Variants in RPSA2 observed in about 807,000 individuals in gnomAD.
The protein encoded by RPSA2 is ribosomal protein SA 2.
At chr19:23,861,969 C>A in the RPSA2 span, among the ~76,000 whole-genome samples, 1 of 152,142 alleles carries the variant, frequency 6.6e-6, no homozygotes, top group Non-Finnish European at 1.5e-5. Context: ...GGGTAAGAAG[C>A]ACAGTCCTTT....
chr19:23,799,977 AATAC>A, the RPSA2 span, among the ~76,000 whole-genome samples: 1 of 151,686 alleles, frequency 6.6e-6, no homozygotes, highest in Non-Finnish European at 1.5e-5. Context: ...GACTGACTGT[AATAC>A]ATTTGACATT....
At chr19:23,839,475 A>C in the RPSA2 span, among the ~76,000 whole-genome samples, 1 of 152,070 alleles carries the variant, frequency 6.6e-6, no homozygotes, top group Non-Finnish European at 1.5e-5. Flanking sequence ...AACAGCCCCA[A>C]ATCTGTTTCC....
chr19:23,832,376 G>T, the RPSA2 span: 1 of 493,982 alleles, frequency 2.0e-6, no homozygotes. Flanking sequence ...GTCCATACTA[G>T]ACAGAAACCC....
the RPSA2 span, among the ~76,000 whole-genome samples, chr19:23,822,489 G>A: frequency 1.3e-5 from 2 of 152,154 alleles, no homozygotes; most frequent in Non-Finnish European, 2.9e-5. Context: ...GGGGTTCTCC[G>A]TGTAGGAGGG....
the RPSA2 span, among the ~76,000 whole-genome samples, chr19:23,846,385 A>G: frequency 6.6e-6 from 1 of 151,650 alleles, no homozygotes; most frequent in African/African-American, 2.4e-5. Flanking sequence ...TTTTCTTTTT[A>G]TCTATTTATA....
At chr19:23,765,381 A>G in the RPSA2 span, among the ~76,000 whole-genome samples, 1 of 152,314 alleles carries the variant, frequency 6.6e-6, no homozygotes, top group East Asian at 1.9e-4. Context: ...AAAGACATGG[A>G]ATCAACCTAA....
At chr19:23,770,947 G>A in the RPSA2 span, among the ~76,000 whole-genome samples, 1 of 152,120 alleles carries the variant, frequency 6.6e-6, no homozygotes, top group East Asian at 1.9e-4. Context: ...AAACTTACAG[G>A]TGCAATAATG....
the RPSA2 span, chr19:23,831,808 A>T: frequency 3.3e-6 from 1 of 305,536 alleles, no homozygotes; most frequent in Non-Finnish European, 6.8e-6. Context: ...AAGTATTTCA[A>T]TGTGGTAAAT....
the RPSA2 span, among the ~76,000 whole-genome samples, chr19:23,851,181 G>A: frequency 6.6e-6 from 1 of 151,074 alleles, no homozygotes; most frequent in East Asian, 2.0e-4. Context: ...AGGAGCTAAT[G>A]TGAGTCACAT....
At chr19:23,848,617 A>G in the RPSA2 span, among the ~76,000 whole-genome samples, 7 of 152,250 alleles carry the variant, frequency 4.6e-5, no homozygotes, top group Non-Finnish European at 7.3e-5. Context: ...TCCTTTGACC[A>G]TTTCCCATGA....
chr19:23,779,481 G>T, the RPSA2 span, among the ~76,000 whole-genome samples: 1 of 152,174 alleles, frequency 6.6e-6, no homozygotes, highest in Non-Finnish European at 1.5e-5. Flanking sequence ...ACACATGGGT[G>T]ATTCAGCTCT....
At chr19:23,816,709 T>A in the RPSA2 span, among the ~76,000 whole-genome samples, 1 of 152,226 alleles carries the variant, frequency 6.6e-6, no homozygotes, top group Non-Finnish European at 1.5e-5. Flanking sequence ...AAGAAGTTTA[T>A]TGGACTTACA....
At chr19:23,862,505 G>A in the RPSA2 span, among the ~76,000 whole-genome samples, 1 of 151,824 alleles carries the variant, frequency 6.6e-6, no homozygotes, top group South Asian at 2.1e-4. Context: ...TATGATATTG[G>A]CTGTGGGTTT....
chr19:23,759,085 T>A, the RPSA2 span, among the ~76,000 whole-genome samples: 1 of 152,142 alleles, frequency 6.6e-6, no homozygotes, highest in African/African-American at 2.4e-5. Context: ...CAGACAGGGC[T>A]CCCTCCCTGA....
the RPSA2 span, among the ~76,000 whole-genome samples, chr19:23,863,982 A>T: frequency 3.3e-5 from 5 of 152,356 alleles, no homozygotes; most frequent in South Asian, 1.0e-3. Flanking sequence ...GGGGCTGCTT[A>T]AGAAAAGGAG....
chr19:23,844,702 T>TATAATA, the RPSA2 span, among the ~76,000 whole-genome samples: 2 of 150,978 alleles, frequency 1.3e-5, no homozygotes, highest in East Asian at 1.9e-4. Flanking sequence ...TCCATTTTTT[T>TATAATA]ATAATATAAT....
the RPSA2 span, among the ~76,000 whole-genome samples, chr19:23,820,186 G>A: frequency 6.6e-6 from 1 of 152,176 alleles, no homozygotes; most frequent in Non-Finnish European, 1.5e-5. Flanking sequence ...CCCTGTATTA[G>A]GTTGTTCTGG....
the RPSA2 span, among the ~76,000 whole-genome samples, chr19:23,836,224 C>T: frequency 2.6e-5 from 4 of 152,164 alleles, no homozygotes; most frequent in Non-Finnish European, 5.9e-5. Context: ...TTACCTCCCA[C>T]ATATCAGTGA....
chr19:23,827,554 C>G, the RPSA2 span: 1 of 1,594,746 alleles, frequency 6.3e-7, no homozygotes, highest in Admixed American at 1.7e-5. Context: ...GGGCTGACCA[C>G]CAGCCTCTCA....
Sources: allele counts gnomAD v4.1 joint callset (sites outside exome capture counted in the v4.1 genomes callset), GRCh38; gene constraint gnomAD v4.1.1; transcripts MANE v1.5; gene names NCBI Gene and HGNC (gene_info 2026-07-23, HGNC 2026-07-21).